The following SUGCT variants were observed in gnomAD, a reference collection of about 807,000 sequenced individuals.
SUGCT encodes the protein succinyl-CoA:glutarate-CoA transferase.
Under a neutral mutation model 55.0 loss-of-function variants are expected in SUGCT, and 41 were observed. The ratio of observed to expected loss-of-function variants is 0.74; its 90% CI spans 0.58 to 0.97. The LOEUF (loss-of-function observed/expected upper bound fraction) is 0.97. SUGCT is among the 50% of genes least tolerant of loss of function. The pLI, the probability that SUGCT is intolerant of heterozygous loss-of-function variation, is 0.00. For missense variants in SUGCT, 568 were observed against 547.8 expected (o/e 1.04, Z -0.37); for synonymous variants, 187 against 200.4 (o/e 0.93, Z 0.56).
chr7:40,744,116 C>T (rs948147473), intron 12 of SUGCT, among the ~76,000 whole-genome samples: 3 of 149,658 alleles, frequency 2.0e-5, no homozygotes, highest in Non-Finnish European at 3.0e-5. Flanking sequence ...TTAGTAGACG[C>T]GGGGTTTCGC....
the SUGCT span, among the ~76,000 whole-genome samples, chr7:40,883,885 G>A: frequency 6.6e-6 from 1 of 152,138 alleles, no homozygotes; most frequent in Admixed American, 6.5e-5. Context: ...CACTGTGGGA[G>A]CAGGATATGC....
At chr7:40,944,756 A>G in the SUGCT span, among the ~76,000 whole-genome samples, 2 of 131,936 alleles carry the variant, frequency 1.5e-5, no homozygotes, top group African/African-American at 3.0e-5. Context: ...TGCGGGCTCT[A>G]ATGACTTTCT....
intron 1 of SUGCT, among the ~76,000 whole-genome samples, chr7:40,135,956 G>A (rs915383156): frequency 6.7e-6 from 1 of 150,058 alleles, no homozygotes. Flanking sequence ...ATGATTATGC[G>A]CGCGGCCCAC....
chr7:40,661,144 T>G (rs1341111472), intron 12 of SUGCT, among the ~76,000 whole-genome samples: 1 of 152,204 alleles, frequency 6.6e-6, no homozygotes, highest in Non-Finnish European at 1.5e-5. Flanking sequence ...GTCTAAGATG[T>G]TCATTTCACA....
downstream of SUGCT, chr7:40,860,881 TTTC>T: frequency 7.1e-6 from 1 of 141,038 alleles, no homozygotes; most frequent in African/African-American, 2.7e-5. Flanking sequence ...CTCTTGATAC[TTTC>T]TACTTGTACA....
intron 1 of SUGCT, among the ~76,000 whole-genome samples, chr7:40,174,543 T>A (rs921533475): frequency 6.6e-6 from 1 of 152,164 alleles, no homozygotes; most frequent in Admixed American, 6.6e-5. Context: ...CAGGCTCAGG[T>A]GAGAGGATTG....
At chr7:41,010,260 A>T in the SUGCT span, among the ~76,000 whole-genome samples, 1 of 152,256 alleles carries the variant, frequency 6.6e-6, no homozygotes, top group African/African-American at 2.4e-5. Context: ...ACCAACACGT[A>T]GGAACCACTG....
At chr7:40,728,314 T>TTCA (rs1268388337) in intron 12 of SUGCT, among the ~76,000 whole-genome samples, 1 of 151,828 alleles carries the variant, frequency 6.6e-6, no homozygotes, top group Admixed American at 6.6e-5. Flanking sequence ...AGGTCAGGAG[T>TTCA]TCGAGACCAG....
intron 12 of SUGCT, among the ~76,000 whole-genome samples, chr7:40,653,180 G>A (rs976386375): frequency 6.6e-6 from 1 of 152,156 alleles, no homozygotes; most frequent in African/African-American, 2.4e-5. Context: ...GGCAAAGGAA[G>A]TTTCTAGTTT....
At chr7:40,657,931 A>G (rs1801111051) in intron 12 of SUGCT, among the ~76,000 whole-genome samples, 1 of 152,190 alleles carries the variant, frequency 6.6e-6, no homozygotes, top group African/African-American at 2.4e-5. Flanking sequence ...TCAGTGATGG[A>G]GCTGGGATGA....
At chr7:40,426,940 A>G (rs974144414) in intron 9 of SUGCT, among the ~76,000 whole-genome samples, 5 of 151,982 alleles carry the variant, frequency 3.3e-5, no homozygotes, top group African/African-American at 1.2e-4. Flanking sequence ...CATCCTTCTG[A>G]CTTGTTAACT....
intron 1 of SUGCT, among the ~76,000 whole-genome samples, chr7:40,157,012 C>CCA (rs1783930002): frequency 8.6e-6 from 1 of 116,858 alleles, no homozygotes; most frequent in Admixed American, 9.4e-5. Flanking sequence ...AAGACTGTCT[C>CCA]AAAAAAAAAA....
chr7:40,623,065 A>G (rs1001170808), intron 12 of SUGCT, among the ~76,000 whole-genome samples: 1 of 152,106 alleles, frequency 6.6e-6, no homozygotes, highest in Non-Finnish European at 1.5e-5. Context: ...TCTCTGTCCA[A>G]ACTCTCTGAT....
chr7:40,913,721 G>A, the SUGCT span, among the ~76,000 whole-genome samples: 2 of 152,104 alleles, frequency 1.3e-5, no homozygotes, highest in Non-Finnish European at 2.9e-5. Context: ...CTGTGGGCTC[G>A]CTGGATTCAG....
In SUGCT at chr7:40,648,277, A is replaced by G. The variant is rs150379887; in HGVS notation, c.1090-101157A>G. On this transcript the variant is annotated intron_variant, in intron 12 of 13. Transcript: ENST00000335693. ...TTTTTGCATATTTAAGCATCTATTT[A>G]TATTTTAATAATTTTAGTTTTATCA... 3.0e-3 allele frequency among the ~76,000 whole-genome samples: 457 copies of G among 152,324 alleles called. 2 individuals are homozygous for G. The highest frequency in any genetic ancestry group is 0.024 in the Middle Eastern group (7 of 294).
chr7:40,982,803 A>G, the SUGCT span, among the ~76,000 whole-genome samples: 47 of 152,166 alleles, frequency 3.1e-4, no homozygotes, highest in African/African-American at 1.1e-3. Context: ...ATGTGCCACT[A>G]TGCCCAGCTA....
rs867187286 is a variant in SUGCT at position 40,848,373 on chromosome 7, A to G, written c.1154-11943A>G. 7.2e-5 allele frequency among the ~76,000 whole-genome samples: 11 copies of G among 152,256 alleles called. 1 individual carries two copies. In the South Asian group the frequency reaches 2.1e-3, roughly 29 times the overall value. On this transcript the variant is annotated intron_variant, in intron 13 of 13. Coordinates refer to ENST00000335693, the MANE Select transcript of SUGCT (RefSeq NM_001193313.2). ...CCTTAAGGAAATGTATATATACTGG[A>G]CAGCCTGAAAACTCTTGGGAAAAAT...
chr7:40,818,410 G>A (rs1791788487), intron 13 of SUGCT, among the ~76,000 whole-genome samples: 1 of 152,190 alleles, frequency 6.6e-6, no homozygotes, highest in East Asian at 1.9e-4. Context: ...TCACCCCCCT[G>A]GGGCCCAGTC....
At chr7:40,928,010 G>A in the SUGCT span, among the ~76,000 whole-genome samples, 1 of 152,012 alleles carries the variant, frequency 6.6e-6, no homozygotes, top group East Asian at 1.9e-4. Flanking sequence ...ATCTCTAGTG[G>A]TAGTCAAATT....
Sources: gnomAD v4.1 joint callset for allele counts (sites outside exome capture counted in the v4.1 genomes callset) on GRCh38, gnomAD v4.1.1 for gene constraint, MANE v1.5 for transcripts, NCBI Gene and HGNC (gene_info 2026-07-23, HGNC 2026-07-21) for gene names.